Variants in ZNF385B observed in about 807,000 individuals in gnomAD.
ZNF385B encodes the protein zinc finger protein 533.
ZNF385B carries 23 observed loss-of-function variants against 39.2 expected under a neutral mutation model. The observed-to-expected ratio is 0.59, with a 90% CI of 0.42 to 0.83. The LOEUF (loss-of-function observed/expected upper bound fraction) is 0.83, where lower values mean the gene tolerates loss of function less well. Among genes scored for constraint, ZNF385B ranks in the 40% least tolerant of loss-of-function variants. ZNF385B has a pLI of 0.00. For synonymous variants in ZNF385B, 205 were observed against 222.6 expected (o/e 0.92, Z 0.70); for missense variants, 552 against 598.9 (o/e 0.92, Z 0.82).
At chr2:179,706,302 G>A (rs1408870252) in intron 3 of ZNF385B, among the ~76,000 whole-genome samples, 1 of 152,148 alleles carries the variant, frequency 6.6e-6, no homozygotes, top group Non-Finnish European at 1.5e-5. Flanking sequence ...TTTTTTACAA[G>A]CGGTAGCAGT....
At chr2:179,531,262 A>G (rs1226806047) in intron 4 of ZNF385B, among the ~76,000 whole-genome samples, 1 of 152,190 alleles carries the variant, frequency 6.6e-6, no homozygotes, top group Non-Finnish European at 1.5e-5. Flanking sequence ...GTAAACAGCA[A>G]ATAATTTAAA....
chr2:179,507,476 AG>A (rs143810380), intron 5 of ZNF385B, among the ~76,000 whole-genome samples: 11,545 of 152,264 alleles, frequency 0.076, 493 homozygotes, highest in South Asian at 0.12. Flanking sequence ...AGGGCCTGGC[AG>A]AAGAGAAGGC....
chr2:179,519,675 C>A (rs1179136746), intron 4 of ZNF385B, among the ~76,000 whole-genome samples: 1 of 152,172 alleles, frequency 6.6e-6, no homozygotes. Context: ...TTACATCAGA[C>A]AACTGGTAGT....
chr2:179,757,584 C>A (rs1161361422), intron 3 of ZNF385B, among the ~76,000 whole-genome samples: 6 of 152,204 alleles, frequency 3.9e-5, no homozygotes, highest in Non-Finnish European at 8.8e-5. Flanking sequence ...GGCATGCAGG[C>A]CTCCTTGAAC....
At chr2:179,537,194 AGG>A (rs2059618830) in intron 4 of ZNF385B, among the ~76,000 whole-genome samples, 1 of 151,450 alleles carries the variant, frequency 6.6e-6, no homozygotes. Context: ...TCCAGCTACT[AGG>A]GAGGCTGAGG....
At chr2:179,632,811 C>T (rs1198363721) in intron 3 of ZNF385B, among the ~76,000 whole-genome samples, 4 of 151,932 alleles carry the variant, frequency 2.6e-5, no homozygotes, top group African/African-American at 7.3e-5. Flanking sequence ...ACTAGCAAGA[C>T]TAATAAAGAC....
chr2:179,571,616 T>A (rs895724504), intron 3 of ZNF385B, among the ~76,000 whole-genome samples: 1 of 152,224 alleles, frequency 6.6e-6, no homozygotes, highest in Admixed American at 6.5e-5. Flanking sequence ...GGTCTTGAAA[T>A]ACAAACAATT....
intron 3 of ZNF385B, among the ~76,000 whole-genome samples, chr2:179,623,221 G>A (rs1690368740): frequency 6.6e-6 from 1 of 151,622 alleles, no homozygotes; most frequent in African/African-American, 2.4e-5. Context: ...AATCAATCAA[G>A]AACTCAAGAG....
At chr2:179,567,331 TG>T (rs1392930912) in intron 3 of ZNF385B, among the ~76,000 whole-genome samples, 1 of 152,114 alleles carries the variant, frequency 6.6e-6, no homozygotes, top group Non-Finnish European at 1.5e-5. Context: ...AAGCTATCTG[TG>T]GGGGGAAAAA....
At chr2:179,503,026 C>T (rs1301633102) in intron 5 of ZNF385B, among the ~76,000 whole-genome samples, 2 of 152,066 alleles carry the variant, frequency 1.3e-5, no homozygotes, top group East Asian at 1.9e-4. Context: ...AGGTACTTGT[C>T]GCCAGGCTCT....
chr2:179,770,893 A>C (rs965861187), intron 1 of ZNF385B, among the ~76,000 whole-genome samples: 2 of 152,138 alleles, frequency 1.3e-5, no homozygotes, highest in Non-Finnish European at 2.9e-5. Flanking sequence ...TATTTTTTTC[A>C]GTGCCATTTT....
intron 3 of ZNF385B, among the ~76,000 whole-genome samples, chr2:179,761,033 T>C (rs1004715755): frequency 6.6e-6 from 1 of 152,164 alleles, no homozygotes; most frequent in African/African-American, 2.4e-5. Flanking sequence ...TGTACCTTTA[T>C]CAAAAAATCA....
At chr2:179,822,101 G>GA (rs1158450866) in intron 1 of ZNF385B, among the ~76,000 whole-genome samples, 5 of 152,200 alleles carry the variant, frequency 3.3e-5, no homozygotes, top group Admixed American at 2.6e-4. Flanking sequence ...GTTTCTCCAT[G>GA]AAAAAAATTT....
At chr2:179,519,659 C>T (rs545613064) in intron 4 of ZNF385B, among the ~76,000 whole-genome samples, 1 of 152,190 alleles carries the variant, frequency 6.6e-6, no homozygotes, top group South Asian at 2.1e-4. Context: ...TAATAATCTC[C>T]AACATTTACA....
intron 1 of ZNF385B, among the ~76,000 whole-genome samples, chr2:179,777,630 T>G (rs971707368): frequency 6.6e-6 from 1 of 152,112 alleles, no homozygotes; most frequent in Admixed American, 6.5e-5. Context: ...AGGAATCTAT[T>G]TGAGAATTAT....
Position 179,670,119 on chromosome 2 carries a change from G to A in ZNF385B, c.298+99384C>T, listed in dbSNP as rs1173514891. Among the ~76,000 whole-genome samples, 11 of 151,846 alleles carry A rather than the reference G, an allele frequency of 7.2e-5. 1 individual carries two copies. Among genetic ancestry groups the A allele is most frequent in the South Asian group, 4.2e-4 (2 of 4,788 alleles). On this transcript the variant is annotated intron_variant, in intron 3 of 9. Transcript: ENST00000410066. ...ATCCTGGCTAACACGGTGAAACCCC[G>A]TCTCTACTAAAAATACAAAAAAATT...
At chr2:179,509,734 C>T (rs1288244731) in intron 5 of ZNF385B, among the ~76,000 whole-genome samples, 1 of 152,120 alleles carries the variant, frequency 6.6e-6, no homozygotes, top group East Asian at 1.9e-4. Flanking sequence ...TATTATATTT[C>T]TTGACAGAAT....
At chr2:179,676,717 T>A (rs1216742955) in intron 3 of ZNF385B, among the ~76,000 whole-genome samples, 2 of 151,850 alleles carry the variant, frequency 1.3e-5, no homozygotes, top group South Asian at 2.1e-4. Context: ...CGGATTAGAG[T>A]GGAAAGTGGT....
chr2:179,756,819 C>A (rs551085634), intron 3 of ZNF385B, among the ~76,000 whole-genome samples: 1 of 152,284 alleles, frequency 6.6e-6, no homozygotes, highest in South Asian at 2.1e-4. Flanking sequence ...TCCATCAGGT[C>A]ATTTAAGGAC....
Sources: gnomAD v4.1 joint callset for allele counts (sites outside exome capture counted in the v4.1 genomes callset) on GRCh38, gnomAD v4.1.1 for gene constraint, MANE v1.5 for transcripts, NCBI Gene and HGNC (gene_info 2026-07-23, HGNC 2026-07-21) for gene names.